Variants in EFNA5 observed in about 807,000 individuals in gnomAD.
EFNA5 encodes ephrin-A5.
EFNA5 carries 5 observed loss-of-function variants against 22.9 expected under a neutral mutation model. The ratio of observed to expected loss-of-function variants is 0.22; its 90% CI spans 0.11 to 0.46. EFNA5 has a LOEUF of 0.46. Ranked by LOEUF, EFNA5 falls within the 20% of genes least tolerant of loss-of-function variation. EFNA5 has a pLI of 0.99. For missense variants in EFNA5, 237 were observed against 293.3 expected, an observed-to-expected ratio of 0.81 and a Z score of 1.40; for synonymous variants, 113 against 112.2, an observed-to-expected ratio of 1.01 and a Z score of -0.04.
At chr5:107,666,730 T>C (rs1431289714) in intron 1 of EFNA5, among the ~76,000 whole-genome samples, 1 of 152,102 alleles carries the variant, frequency 6.6e-6, no homozygotes, top group Non-Finnish European at 1.5e-5. Flanking sequence ...TGCCAACCAG[T>C]AGGAGATATG....
chr5:107,398,587 C>T (rs1303515957), intron 2 of EFNA5, among the ~76,000 whole-genome samples: 2 of 152,038 alleles, frequency 1.3e-5, no homozygotes, highest in Non-Finnish European at 2.9e-5. Context: ...TGGCTCACAT[C>T]TGTAATCCCA....
At chr5:107,569,559 TTATATATATA>T (rs70996962) in intron 1 of EFNA5, among the ~76,000 whole-genome samples, 80 of 42,492 alleles carry the variant, frequency 1.9e-3, no homozygotes, top group Admixed American at 8.5e-3. Flanking sequence ...ATATATATAT[TTATATATATA>T]TATATATATA....
At chr5:107,607,220 T>C (rs1444391783) in intron 1 of EFNA5, among the ~76,000 whole-genome samples, 1 of 152,204 alleles carries the variant, frequency 6.6e-6, no homozygotes, top group African/African-American at 2.4e-5. Context: ...CAGACTGCTA[T>C]GACTAATAAC....
intron 1 of EFNA5, among the ~76,000 whole-genome samples, chr5:107,580,605 C>T (rs163962): frequency 0.026 from 4,011 of 151,736 alleles, 87 homozygotes; most frequent in Middle Eastern, 0.045. Flanking sequence ...AGCCTGTAGT[C>T]CCAGCTACTC....
At chr5:107,617,369 C>T (rs981925070) in intron 1 of EFNA5, among the ~76,000 whole-genome samples, 5 of 152,042 alleles carry the variant, frequency 3.3e-5, no homozygotes, top group African/African-American at 1.2e-4. Context: ...TCAGCACCAA[C>T]CAGATGCTGG....
chr5:107,558,265 G>GC (rs561122857), intron 1 of EFNA5, among the ~76,000 whole-genome samples: 46 of 147,584 alleles, frequency 3.1e-4, no homozygotes, highest in Non-Finnish European at 6.5e-4. Flanking sequence ...AGATTATACT[G>GC]TTTTTTTTTT....
chr5:107,647,695 G>A (rs529314090), intron 1 of EFNA5, among the ~76,000 whole-genome samples: 63 of 152,132 alleles, frequency 4.1e-4, no homozygotes, highest in Non-Finnish European at 7.6e-4. Context: ...TTTTACTGTC[G>A]GTAATGGCTG....
At chr5:107,474,709 A>C (rs750550092) in intron 1 of EFNA5, among the ~76,000 whole-genome samples, 3 of 152,194 alleles carry the variant, frequency 2.0e-5, no homozygotes, top group Non-Finnish European at 2.9e-5. Flanking sequence ...AATATTGGCT[A>C]ACACAGGAAA....
chr5:107,452,281 C>T lies in EFNA5; in HGVS notation c.126-24772G>A, dbSNP rs1242307338. Among the ~76,000 whole-genome samples, 7 of 151,962 alleles carry T rather than the reference C, an allele frequency of 4.6e-5. No homozygotes were observed. The East Asian group carries it at 9.7e-4, about 21-fold the overall frequency. ...AGGTGCAGCAAACCACCATGGCACA[C>T]GTATACCTATGTGACAAACCTGTAC... On this transcript the variant is annotated intron_variant, in intron 1 of 4. Transcript: ENST00000333274.
Position 107,544,184 on chromosome 5 carries a change from A to G in EFNA5, c.126-116675T>C, listed in dbSNP as rs141475372. On this transcript the variant is annotated intron_variant, in intron 1 of 4. Transcript: ENST00000333274. ...AATTAGATCATTTAGGAAACAGAGA[A>G]AATGGGCAATAAGGATCTCCCTCCT... 2.4e-3 allele frequency among the ~76,000 whole-genome samples: 369 copies of G among 152,306 alleles called. 1 individual carries two copies. The highest frequency in any genetic ancestry group is 8.5e-3 in the African/African-American group (354 of 41,566).
At chr5:107,512,796 T>TG (rs1392202101) in intron 1 of EFNA5, among the ~76,000 whole-genome samples, 1 of 152,074 alleles carries the variant, frequency 6.6e-6, no homozygotes, top group Non-Finnish European at 1.5e-5. Context: ...GGTAGTTCAT[T>TG]GTGCACTACC....
At chr5:107,456,965 C>T (rs557348674) in intron 1 of EFNA5, among the ~76,000 whole-genome samples, 7 of 152,224 alleles carry the variant, frequency 4.6e-5, no homozygotes, top group South Asian at 2.1e-4. Flanking sequence ...CTTCCCTTCA[C>T]GCTTACTGTT....
chr5:107,381,658 G>C (rs1747466829), intron 4 of EFNA5, among the ~76,000 whole-genome samples: 1 of 152,064 alleles, frequency 6.6e-6, no homozygotes, highest in Non-Finnish European at 1.5e-5. Flanking sequence ...GCTTTGGTTA[G>C]CCAGCAGTCA....
At chr5:107,656,799 C>T (rs1750835346) in intron 1 of EFNA5, among the ~76,000 whole-genome samples, 1 of 152,000 alleles carries the variant, frequency 6.6e-6, no homozygotes, top group African/African-American at 2.4e-5. Context: ...CTTAGATTCA[C>T]CACTATAAAT....
chr5:107,479,460 A>T (rs954076260), intron 1 of EFNA5, among the ~76,000 whole-genome samples: 6 of 104,922 alleles, frequency 5.7e-5, no homozygotes, highest in African/African-American at 1.3e-4. Context: ...AAACACATTT[A>T]AAAAAAAAAA....
At chr5:107,627,931 T>C (rs1042436100) in intron 1 of EFNA5, among the ~76,000 whole-genome samples, 6 of 152,166 alleles carry the variant, frequency 3.9e-5, no homozygotes, top group East Asian at 1.9e-4. Context: ...AAAATACATG[T>C]CATTACTCAA....
chr5:107,415,644 C>G (rs1295314848), intron 2 of EFNA5, among the ~76,000 whole-genome samples: 1 of 152,198 alleles, frequency 6.6e-6, no homozygotes, highest in Non-Finnish European at 1.5e-5. Context: ...CTGCACATGG[C>G]TGCTACAATT....
chr5:107,381,423 A>G (rs750272926), intron 4 of EFNA5, 47 bp from the exon 5 acceptor site: 5 of 1,568,204 alleles, frequency 3.2e-6, no homozygotes, highest in Admixed American at 3.4e-5. Context: ...CACATCCTTA[A>G]TAACTCTCTT....
intron 2 of EFNA5, among the ~76,000 whole-genome samples, chr5:107,413,446 C>T (rs926984332): frequency 2.6e-5 from 4 of 152,126 alleles, no homozygotes; most frequent in African/African-American, 9.7e-5. Context: ...GCACAAAAGG[C>T]ACAGACAATG....
Sources: allele counts gnomAD v4.1 joint callset (sites outside exome capture counted in the v4.1 genomes callset), GRCh38; gene constraint gnomAD v4.1.1; transcripts MANE v1.5; gene names NCBI Gene and HGNC (gene_info 2026-07-23, HGNC 2026-07-21).